The following ZNF608 variants were observed in gnomAD, a reference collection of about 807,000 sequenced individuals.
ZNF608 encodes the protein renal carcinoma antigen NY-REN-36.
ZNF608 carries 12 observed loss-of-function variants against 109.0 expected under a neutral mutation model. The observed-to-expected ratio is 0.11, with a 90% CI of 0.07 to 0.18. ZNF608 has a LOEUF of 0.18. Ranked by LOEUF, ZNF608 falls within the 10% of genes least tolerant of loss-of-function variation. ZNF608 has a pLI of 1.00. For missense variants in ZNF608, 1,707 were observed against 1,879.3 expected, an observed-to-expected ratio of 0.91 and a Z score of 1.70; for synonymous variants, 732 against 717.4, an observed-to-expected ratio of 1.02 and a Z score of -0.33.
chr5:124,687,608 TTA>T (rs1241232185), intron 3 of ZNF608, among the ~76,000 whole-genome samples: 7 of 152,182 alleles, frequency 4.6e-5, no homozygotes, highest in African/African-American at 1.7e-4. Context: ...CCTGACTGGG[TTA>T]TGTCAGACTT....
chr5:124,717,418 C>T (rs1244537525), intron 2 of ZNF608, among the ~76,000 whole-genome samples: 1 of 152,148 alleles, frequency 6.6e-6, no homozygotes, highest in East Asian at 1.9e-4. Context: ...TTGCAGTGAG[C>T]CAAGATTGCG....
At chr5:124,715,512 G>C (rs1580682984) in intron 2 of ZNF608, among the ~76,000 whole-genome samples, 1 of 152,120 alleles carries the variant, frequency 6.6e-6, no homozygotes, top group Non-Finnish European at 1.5e-5. Context: ...CTGCAATATA[G>C]TTTTAGCATT....
intron 3 of ZNF608, among the ~76,000 whole-genome samples, chr5:124,668,742 G>T (rs953944760): frequency 2.0e-5 from 3 of 152,102 alleles, no homozygotes; most frequent in Non-Finnish European, 4.4e-5. Flanking sequence ...AGCCTTTCGG[G>T]AATTTTGCCC....
At chr5:124,640,482 G>C (rs1034582914) in intron 8 of ZNF608, among the ~76,000 whole-genome samples, 3 of 152,170 alleles carry the variant, frequency 2.0e-5, no homozygotes, top group African/African-American at 7.2e-5. Context: ...CACAAGCCAG[G>C]AAGAGAGGCC....
chr5:124,647,735 G>A lies in ZNF608; in HGVS notation c.2649C>T (p.Ala883=), dbSNP rs377169341. ...ESRMASIKAE[A]DKVYTFTDNA... is the part of the protein sequence containing the mutation. The stretch of plus-strand genomic sequence containing the variant: ...TGTCTGTGAAAGTGTAAACCTTATC[G>A]GCCTCAGCTTTGATACTGGCCATGC... The change falls in exon 5 of 10, where the codon GCC becomes GCT. Residue 883 remains alanine, a synonymous_variant. Coordinates refer to ENST00000513986, the MANE Select transcript of ZNF608 (RefSeq NM_020747.3). 30 of 1,614,140 alleles carry A rather than the reference G, an allele frequency of 1.9e-5. No individual in the cohort carries two copies. The highest frequency in any genetic ancestry group is 1.1e-4 in the South Asian group (10 of 91,086).
At chr5:124,688,315 T>C (rs912564928) in intron 3 of ZNF608, among the ~76,000 whole-genome samples, 1 of 152,134 alleles carries the variant, frequency 6.6e-6, no homozygotes, top group Non-Finnish European at 1.5e-5. Flanking sequence ...GTGTGGTCTC[T>C]TGGGAGCATC....
Position 124,744,413 on chromosome 5 carries a change from C to T in ZNF608, c.577G>A (p.Gly193Ser). The change falls in exon 2 of 10, where the codon GGT (glycine) becomes AGT (serine). Residue 193 changes from glycine to serine, a missense_variant. By Grantham distance (56) the Gly-to-Ser change is moderately conservative. This residue lies in a region of ZNF608 where 407 missense variants were observed against 398.7 expected (regional missense o/e 1.02). Coordinates refer to ENST00000513986, the MANE Select transcript of ZNF608 (RefSeq NM_020747.3). The surrounding 1 kb of genome is among the most constrained non-coding windows in gnomAD (Gnocchi z 4.5). ...GCGCCTCGGCTGCTCTGGCTTTTAC[C>T]TGGCTTCTCCTCTTTGCTTTTCCCA... ...SCGKSKEEKP[G>S]KSQSSRGAKR... 1.9e-6 allele frequency: 3 copies of T among 1,614,270 alleles called. No homozygotes were observed. Among genetic ancestry groups the T allele is most frequent in the Non-Finnish European group, 2.5e-6 (3 of 1,180,048 alleles).
At chr5:124,685,033 T>A (rs2149830283) in intron 3 of ZNF608, among the ~76,000 whole-genome samples, 1 of 152,354 alleles carries the variant, frequency 6.6e-6, no homozygotes, top group East Asian at 1.9e-4. Flanking sequence ...AGGATCTTAA[T>A]AAACACAGTA....
intron 3 of ZNF608, among the ~76,000 whole-genome samples, chr5:124,679,926 A>G (rs185181184): frequency 3.4e-4 from 52 of 152,336 alleles, no homozygotes; most frequent in African/African-American, 1.0e-3. Context: ...GGGCTGGTCA[A>G]CATTGAAAGA....
At chr5:124,686,917 A>AT (rs1005557419) in intron 3 of ZNF608, among the ~76,000 whole-genome samples, 5 of 152,002 alleles carry the variant, frequency 3.3e-5, no homozygotes, top group African/African-American at 1.2e-4. Context: ...GTGGTGGGCA[A>AT]TTTTTTTTCC....
chr5:124,727,765 G>A (rs1748680486), intron 2 of ZNF608, among the ~76,000 whole-genome samples: 2 of 112,466 alleles, frequency 1.8e-5, no homozygotes, highest in Admixed American at 2.2e-4. Flanking sequence ...TTAAGACAGA[G>A]TTTCATTCTT....
intron 3 of ZNF608, among the ~76,000 whole-genome samples, chr5:124,683,694 A>G (rs772825192): frequency 2.0e-5 from 3 of 152,194 alleles, no homozygotes; most frequent in Non-Finnish European, 4.4e-5. Context: ...CTATATAAAC[A>G]TATAACCTGA....
chr5:124,662,455 G>T (rs1044175083), intron 3 of ZNF608, among the ~76,000 whole-genome samples: 4 of 152,234 alleles, frequency 2.6e-5, no homozygotes, highest in Non-Finnish European at 5.9e-5. Context: ...GGACTAAGGC[G>T]TGTGAGCCAA....
intron 8 of ZNF608, among the ~76,000 whole-genome samples, chr5:124,640,289 T>G (rs764103543): frequency 1.3e-5 from 2 of 152,174 alleles, no homozygotes; most frequent in African/African-American, 2.4e-5. Flanking sequence ...GTGATTAGAT[T>G]TGGAGATGGG....
intron 3 of ZNF608, among the ~76,000 whole-genome samples, chr5:124,692,190 T>G (rs1415863506): frequency 6.6e-6 from 1 of 152,244 alleles, no homozygotes. Flanking sequence ...TGAGATTTTA[T>G]AATGGATTTT....
chr5:124,733,054 C>T lies in ZNF608; in HGVS notation c.906+11030G>A, dbSNP rs114472190. On this transcript the variant is annotated intron_variant, in intron 2 of 9. Coordinates refer to ENST00000513986, the MANE Select transcript of ZNF608 (RefSeq NM_020747.3). ...TTGTGAAAAAAAAAAAGGGTAAAAA[C>T]AGCTGAGCATGATCACAAAACATAA... Among the ~76,000 whole-genome samples the T allele has an allele frequency of 9.9e-3, 1,497 of 151,472 alleles. 23 individuals carry two copies. Among genetic ancestry groups the T allele is most frequent in the African/African-American group, 0.034 (1,413 of 41,306 alleles).
At position 124,646,722 on chromosome 5, in the gene ZNF608, G is replaced by C. The variant is rs1750525191; in HGVS notation, c.3662C>G (p.Ser1221Cys). The change falls in exon 5 of 10, where the codon TCT becomes TGT. Residue 1221 changes from serine (S) to cysteine (C), a missense_variant. This residue lies in a region of ZNF608 where 1,073 missense variants were observed against 1,133.5 expected (regional missense o/e 0.95). Transcript: ENST00000513986. ...EAVEMKSVMDSMKQTGVDPTS... is the reference protein window; with the variant it reads ...EAVEMKSVMDCMKQTGVDPTS... ...TGGGTCTACACCTGTCTGCTTCATA[G>C]AGTCCATGACAGACTTCATTTCTAC... The C allele has an allele frequency of 1.2e-6, 2 of 1,614,148 alleles. No individual in the cohort carries two copies. The highest frequency in any genetic ancestry group is 8.5e-7 in the Non-Finnish European group (1 of 1,180,018).
intron 2 of ZNF608, among the ~76,000 whole-genome samples, chr5:124,720,292 G>A (rs1298679338): frequency 1.4e-4 from 22 of 152,190 alleles, no homozygotes; most frequent in Admixed American, 1.4e-3. Context: ...CACCACAAAA[G>A]ATGTTAGATT....
intron 2 of ZNF608, among the ~76,000 whole-genome samples, chr5:124,721,341 C>G (rs1172831526): frequency 6.6e-6 from 1 of 152,048 alleles, no homozygotes; most frequent in Non-Finnish European, 1.5e-5. Context: ...AAAGAGAATC[C>G]AATTCAACAA....
Sources: allele counts gnomAD v4.1 joint callset (sites outside exome capture counted in the v4.1 genomes callset), GRCh38; gene constraint gnomAD v4.1.1; regional missense constraint gnomAD v4.1.1; non-coding constraint Gnocchi (gnomAD v3.1); transcripts MANE v1.5; gene names NCBI Gene and HGNC (gene_info 2026-07-23, HGNC 2026-07-21).